Variants in DST observed in about 807,000 individuals in gnomAD.
DST encodes bullous pemphigoid antigen.
In DST, 253 loss-of-function variants were observed where a neutral mutation model predicts 875.2. The ratio of observed to expected loss-of-function variants is 0.29; its 90% CI spans 0.26 to 0.32. The LOEUF (loss-of-function observed/expected upper bound fraction) is 0.32. Among genes scored for constraint, DST ranks in the 10% least tolerant of loss-of-function variants. The pLI, the probability that DST is intolerant of heterozygous loss-of-function variation, is 1.00. For missense variants in DST, 8,287 were observed against 9,111.6 expected, an observed-to-expected ratio of 0.91 and a Z score of 3.68; for synonymous variants, 3,124 against 3,197.1, an observed-to-expected ratio of 0.98 and a Z score of 0.77.
At chr6:56,773,985 GC>G (rs1472373275) in intron 4 of DST, among the ~76,000 whole-genome samples, 1 of 151,904 alleles carries the variant, frequency 6.6e-6, no homozygotes, top group African/African-American at 2.4e-5. Context: ...ACGGTGGTAT[GC>G]CCCTATAATC....
chr6:56,494,020 T>C lies in DST; in HGVS notation c.20384A>G (p.Asn6795Ser), dbSNP rs749808366. 1 of 1,589,648 alleles carries C rather than the reference T, an allele frequency of 6.3e-7. No individual in the cohort carries two copies. The highest frequency in any genetic ancestry group is 8.6e-7 in the Non-Finnish European group (1 of 1,166,082). The change falls in exon 83 of 104, where the codon AAT becomes AGT. Residue 6795 changes from asparagine (N) to serine (S), a missense_variant. This residue lies in a region of DST where 1,292 missense variants were observed against 1,552.7 expected (regional missense o/e 0.83). Coordinates refer to ENST00000680361, the MANE Select transcript of DST (RefSeq NM_001374736.1). ...EKWESVETKLNERKTKLEEAL... is the reference protein window; with the variant it reads ...EKWESVETKLSERKTKLEEAL... ...AATCAAAGCACATACTTTCCTTTCA[T>C]TGAGTTTGGTTTCCACCGATTCCCA...
intron 4 of DST, among the ~76,000 whole-genome samples, chr6:56,824,885 GC>G (rs936882414): frequency 4.6e-5 from 7 of 151,396 alleles, no homozygotes; most frequent in Admixed American, 1.3e-4. Flanking sequence ...GGGGGGGTCA[GC>G]CCCCCGCCCG....
intron 5 of DST, among the ~76,000 whole-genome samples, chr6:56,728,973 TACACACACACAC>T (rs35066414): frequency 7.3e-4 from 97 of 132,100 alleles, no homozygotes; most frequent in East Asian, 1.2e-3. Flanking sequence ...ATAAAAAAAG[TACACACACACAC>T]ACACACACAC....
rs541457455 is a variant in DST at position 56,884,080 on chromosome 6, G to A, written c.417+16341C>T. 7.9e-5 allele frequency among the ~76,000 whole-genome samples: 12 copies of A among 152,064 alleles called. No homozygotes were observed. The East Asian group carries it at 2.3e-3, about 29-fold the overall frequency. On this transcript the variant is annotated intron_variant, in intron 3 of 103. Coordinates refer to ENST00000680361, the MANE Select transcript of DST (RefSeq NM_001374736.1). The stretch of plus-strand genomic sequence containing the variant: ...CAGGAGGTTGACGATGCAGTGAGCT[G>A]TGATTGTGCCACTGCACTCGAGCCT...
At chr6:56,517,951 A>G (rs1319568459) in intron 69 of DST, among the ~76,000 whole-genome samples, 1 of 152,186 alleles carries the variant, frequency 6.6e-6, no homozygotes, top group Non-Finnish European at 1.5e-5. Context: ...ATGAAAGCCA[A>G]CAGCCAGGTA....
At chr6:56,860,130 C>T (rs1323447234) in intron 3 of DST, among the ~76,000 whole-genome samples, 1 of 152,172 alleles carries the variant, frequency 6.6e-6, no homozygotes, top group African/African-American at 2.4e-5. Flanking sequence ...GTGGTTTCCC[C>T]TTTAAAGAAA....
At position 56,829,727 on chromosome 6, in the gene DST, T is replaced by C. The variant is rs141875103; in HGVS notation, c.625+21670A>G. Among the ~76,000 whole-genome samples, 504 of 152,276 alleles carry C rather than the reference T, an allele frequency of 3.3e-3. 4 individuals are homozygous for C. Among genetic ancestry groups the C allele is most frequent in the African/African-American group, 0.012 (489 of 41,560 alleles). Reference sequence around the variant, plus strand: ...CTCTTTTTAAAAATATAAAAGACCATTAATTTTTTTATGTCTAGCACCCCA... The same window carrying C: ...CTCTTTTTAAAAATATAAAAGACCACTAATTTTTTTATGTCTAGCACCCCA... On this transcript the variant is annotated intron_variant, in intron 4 of 103. Transcript: ENST00000680361.
At position 56,573,847 on chromosome 6, in the gene DST, A is replaced by C. The variant is rs188241739; in HGVS notation, c.13068T>G (p.Val4356=). The change falls in exon 51 of 104, where the codon GTT becomes GTG. Residue 4356 remains valine, a synonymous_variant. Coordinates refer to ENST00000680361, the MANE Select transcript of DST (RefSeq NM_001374736.1). ...VGRYEDLSKS[V]NERNEKLQIT... is the part of the protein sequence containing the mutation. ...TCTGGAGTTTTTCATTTCGTTCATT[A>C]ACAGACTTGGACAGATCCTCATATC... 6.2e-7 allele frequency: 1 copy of C among 1,613,360 alleles called. No individual in the cohort carries two copies. The highest frequency in any genetic ancestry group is 2.2e-5 in the East Asian group (1 of 44,838).
In DST at chr6:56,615,934, C is replaced by T. The variant is rs1247577216; in HGVS notation, c.4930-1450G>A. On this transcript the variant is annotated intron_variant, in intron 36 of 103. Coordinates refer to ENST00000680361, the MANE Select transcript of DST (RefSeq NM_001374736.1). ...ACTGTCGCAGCTGCTGGGCAAACCC[C>T]TCATCAACCAGGCCTCTATGCAAAG... 3 of 1,614,126 alleles carry T rather than the reference C, an allele frequency of 1.9e-6. No homozygotes were observed. Among genetic ancestry groups the T allele is most frequent in the South Asian group, 2.2e-5 (2 of 91,088 alleles).
chr6:56,921,888 A>G (rs1804435740), intron 2 of DST, among the ~76,000 whole-genome samples: 1 of 152,226 alleles, frequency 6.6e-6, no homozygotes, highest in South Asian at 2.1e-4. Flanking sequence ...AAAAGAGGAT[A>G]GGAGAAAGAT....
intron 4 of DST, among the ~76,000 whole-genome samples, chr6:56,780,138 G>C (rs2099689778): frequency 6.6e-6 from 1 of 151,662 alleles, no homozygotes; most frequent in East Asian, 1.9e-4. Flanking sequence ...TTGGACATTT[G>C]GGTTGGTTCC....
intron 59 of DST, among the ~76,000 whole-genome samples, chr6:56,556,975 A>G (rs116252958): frequency 5.9e-5 from 9 of 152,350 alleles, no homozygotes; most frequent in Non-Finnish European, 8.8e-5. Context: ...AGTAAAAAGT[A>G]TAGACTAGCC....
chr6:56,623,505 T>C (rs1420680175), intron 36 of DST, among the ~76,000 whole-genome samples: 1 of 152,184 alleles, frequency 6.6e-6, no homozygotes, highest in Non-Finnish European at 1.5e-5. Context: ...GCTATGTTAG[T>C]GATTTAGCTG....
intron 58 of DST, among the ~76,000 whole-genome samples, 155 bp from the exon 59 acceptor site, chr6:56,557,673 C>T (rs1052822470): frequency 2.0e-5 from 3 of 151,998 alleles, no homozygotes; most frequent in Non-Finnish European, 2.9e-5. Context: ...GACTAACCTA[C>T]GATTTTATAG....
chr6:56,827,966 A>G (rs2099782744), intron 4 of DST, among the ~76,000 whole-genome samples: 1 of 152,112 alleles, frequency 6.6e-6, no homozygotes, highest in South Asian at 2.1e-4. Context: ...GAGACCCACC[A>G]TATGCCCATT....
At chr6:56,655,160 CAAAAAAAAAAAA>C (rs11365303) in intron 10 of DST, among the ~76,000 whole-genome samples, 2 of 57,344 alleles carry the variant, frequency 3.5e-5, no homozygotes, top group African/African-American at 5.2e-5. Context: ...GACTTTGCCT[CAAAAAAAAAAAA>C]AAAAAAAAAA....
chr6:56,721,255 TG>T (rs2152911562), intron 5 of DST, among the ~76,000 whole-genome samples: 1 of 152,338 alleles, frequency 6.6e-6, no homozygotes, highest in South Asian at 2.1e-4. Flanking sequence ...TTTTTCAACA[TG>T]CCCAGATTTC....
intron 9 of DST, among the ~76,000 whole-genome samples, chr6:56,690,712 A>C (rs2099222791): frequency 6.6e-6 from 1 of 152,224 alleles, no homozygotes; most frequent in African/African-American, 2.4e-5. Context: ...ATGCCAATGA[A>C]GCGGCTGGAA....
rs1333672241 is a variant in DST, at chr6:56,476,302, T to C, written c.21711A>G (p.Leu7237=). The change falls in exon 92 of 104, where the codon TTA becomes TTG. Residue 7237 remains leucine, a synonymous_variant. Coordinates refer to ENST00000680361, the MANE Select transcript of DST (RefSeq NM_001374736.1). ...CAATAAGCCCAGCCAGAGCACTTGC[T>C]AATCTCTGCTGATGTTGCTTTGCCC... The part of the protein sequence containing the change: ...LAWAKQHQQR[L]ASALAGLIAK... The C allele has an allele frequency of 6.2e-7, 1 of 1,604,074 alleles. No homozygotes were observed. The highest frequency in any genetic ancestry group is 1.3e-5 in the African/African-American group (1 of 74,878).
Sources: allele counts gnomAD v4.1 joint callset (sites outside exome capture counted in the v4.1 genomes callset), GRCh38; gene constraint gnomAD v4.1.1; regional missense constraint gnomAD v4.1.1; transcripts MANE v1.5; gene names NCBI Gene and HGNC (gene_info 2026-07-23, HGNC 2026-07-21).